AGBL2: variants seen among roughly 807,000 people sequenced by gnomAD.
The protein encoded by AGBL2 is AGBL carboxypeptidase 2, also known as cytosolic carboxypeptidase 2.
In AGBL2, 87 loss-of-function variants were observed where a neutral mutation model predicts 103.0. The observed-to-expected ratio is 0.84, with a 90% confidence interval of 0.71 to 1.01. The LOEUF is 1.01. Ranked by LOEUF, AGBL2 falls within the 50% of genes least tolerant of loss-of-function variation. The pLI is 0.00. For synonymous variants in AGBL2, 335 were observed against 356.7 expected, an observed-to-expected ratio of 0.94 and a Z score of 0.69; for missense variants, 904 against 1,023.5, an observed-to-expected ratio of 0.88 and a Z score of 1.59.
Position 47,692,169 on chromosome 11 carries a change from G to T in AGBL2, c.782C>A (p.Pro261Gln), listed in dbSNP as rs1298303459. 2 of 1,613,642 alleles carry T rather than the reference G, an allele frequency of 1.2e-6. No individual in the cohort carries two copies. The highest frequency in any genetic ancestry group is 1.7e-6 in the Non-Finnish European group (2 of 1,179,858). The change falls in exon 9 of 19, where the codon CCA (proline) becomes CAA (glutamine). Residue 261 changes from proline (P) to glutamine (Q), a missense_variant. Transcript: ENST00000525123. ...VKELAVTLQG[P>Q]EDNTLLFESR... Reference sequence around the variant, plus strand: ...TTCAAACAGTAGAGTATTATCTTCTGGTCCTTGCAACGTGACAGCAAGTTC... The same window carrying T: ...TTCAAACAGTAGAGTATTATCTTCTTGTCCTTGCAACGTGACAGCAAGTTC...
At chr11:47,710,800 G>A in intron 3 of AGBL2, 1 of 500,232 alleles carries the variant, frequency 2.0e-6, no homozygotes, top group Non-Finnish European at 3.9e-6. Flanking sequence ...AAGCTACAAG[G>A]GCTGTGTTGG....
intron 12 of AGBL2, among the ~76,000 whole-genome samples, chr11:47,680,786 G>GAAACGAAACA: frequency 1.4e-5 from 2 of 147,610 alleles, no homozygotes; most frequent in South Asian, 4.4e-4. Flanking sequence ...GGGAGACCCT[G>GAAACGAAACA]AAACAAAACA....
chr11:47,667,255 C>T (rs1454067596), intron 16 of AGBL2, among the ~76,000 whole-genome samples, 192 bp from the exon 17 acceptor site: 1 of 152,200 alleles, frequency 6.6e-6, no homozygotes. Context: ...GCCTGGCCCC[C>T]AGCCATCCAT....
In AGBL2 at chr11:47,666,967, T is replaced by C. The variant is rs778062924; in HGVS notation, c.2437A>G (p.Arg813Gly). 6.8e-6 allele frequency: 11 copies of C among 1,611,254 alleles called. No homozygotes were observed. The highest frequency in any genetic ancestry group is 6.7e-5 in the Admixed American group (4 of 59,856). Reference sequence around the variant, plus strand: ...AACAAAAATACTACCTCATTTAACCTTGGGTTTTCATTTTTCATTGGTAAA... The same window carrying C: ...AACAAAAATACTACCTCATTTAACCCTGGGTTTTCATTTTTCATTGGTAAA... ...SFLPMKNENP[R>G]LNETNLNRRD... The change falls in exon 17 of 19, where the codon AGG becomes GGG. Residue 813 changes from arginine to glycine, a missense_variant. Coordinates refer to ENST00000525123, the MANE Select transcript of AGBL2 (RefSeq NM_024783.4).
chr11:47,660,070 C>T lies in AGBL2; in HGVS notation c.*103G>A. 2 of 1,313,684 alleles carry T rather than the reference C, an allele frequency of 1.5e-6. No individual in the cohort carries two copies. Among genetic ancestry groups the T allele is most frequent in the East Asian group, 2.4e-5 (1 of 42,126 alleles). The allele number at this position is 1,313,684 out of a possible 1,614,324, so 81.4% of individuals were successfully genotyped here. A position where few individuals can be genotyped will look rare whatever the true frequency, so the allele number is the denominator to read the frequency against. On this transcript the variant is annotated 3_prime_UTR_variant, in exon 19 of 19. Transcript: ENST00000525123. ...GTGCATGAGTGCACAACACAGTATACCACAAGTAAATGCAGTTCCCAGTCA... is the reference window on the plus strand; with the variant it reads ...GTGCATGAGTGCACAACACAGTATATCACAAGTAAATGCAGTTCCCAGTCA...
intron 14 of AGBL2, among the ~76,000 whole-genome samples, chr11:47,669,932 A>T (rs980015598): frequency 6.6e-6 from 1 of 152,182 alleles, no homozygotes; most frequent in Admixed American, 6.5e-5. Context: ...ATTCTTGACA[A>T]GCACATTCAT....
chr11:47,672,181 C>T (rs1784568365), intron 14 of AGBL2, among the ~76,000 whole-genome samples: 1 of 152,098 alleles, frequency 6.6e-6, no homozygotes, highest in Admixed American at 6.6e-5. Context: ...CAACTCCTGG[C>T]CTCAAACAAT....
Position 47,685,908 on chromosome 11 carries a change from T to A in AGBL2, c.1773A>T (p.Lys591Asn), listed in dbSNP as rs775761083. 1.5e-5 allele frequency: 24 copies of A among 1,613,882 alleles called. No homozygotes were observed. The African/African-American group carries it at 1.9e-4, about 13-fold the overall frequency. ...ATGTGCTTACCTTATCTGGTGCATT[T>A]TTGCATAACATTAAAGGAAAGACTC... is the stretch of plus-strand genomic sequence containing the variant. The part of the protein sequence containing the change: ...HERVFPLMLC[K>N]NAPDKFSFHS... Residue 591 changes from lysine (K) to asparagine (N), a missense_variant, in exon 11 of 19, where the codon AAA (lysine) becomes AAT (asparagine). Lys to Asn is a moderately conservative substitution (Grantham distance 94, BLOSUM62 0). Transcript: ENST00000525123.
chr11:47,693,522 G>A (rs1452594349), intron 8 of AGBL2, among the ~76,000 whole-genome samples: 1 of 126,032 alleles, frequency 7.9e-6, no homozygotes, highest in Non-Finnish European at 1.7e-5. Flanking sequence ...TGTCAAAAAT[G>A]AATTGACCAA....
chr11:47,674,774 T>G (rs1195327791), intron 14 of AGBL2, among the ~76,000 whole-genome samples: 1 of 151,728 alleles, frequency 6.6e-6, no homozygotes, highest in African/African-American at 2.4e-5. Flanking sequence ...TCGCTCTTGT[T>G]GCCCAGGCTG....
At chr11:47,668,208 CAAA>C (rs34571219) in intron 15 of AGBL2, among the ~76,000 whole-genome samples, 6 of 95,136 alleles carry the variant, frequency 6.3e-5, no homozygotes, top group Admixed American at 1.2e-4. Context: ...GACTCCATCT[CAAA>C]AAAAAAAAAA....
chr11:47,711,987 C>T (rs889693973), intron 3 of AGBL2, among the ~76,000 whole-genome samples: 2 of 152,092 alleles, frequency 1.3e-5, no homozygotes, highest in South Asian at 2.1e-4. Context: ...GTAGGAGGAT[C>T]GCTTAAGCCT....
chr11:47,667,979 C>T (rs2097345956), intron 15 of AGBL2, among the ~76,000 whole-genome samples: 1 of 152,066 alleles, frequency 6.6e-6, no homozygotes, highest in South Asian at 2.1e-4. Flanking sequence ...GAGGCTGAAG[C>T]GGGTGGATCA....
intron 7 of AGBL2, among the ~76,000 whole-genome samples, chr11:47,702,671 C>T (rs772535445): frequency 5.3e-5 from 8 of 151,630 alleles, no homozygotes; most frequent in African/African-American, 1.7e-4. Context: ...GTCAGGAGTT[C>T]GAGACCAGCC....
Position 47,685,959 on chromosome 11 carries a change from GTTGTTATTACAGCCA to G in AGBL2, c.1707_1721del (p.Gly570_Asn574del), listed in dbSNP as rs763934976. The stretch of plus-strand genomic sequence containing the variant: ...GTTCATGAAGCCAGTATTTGCGATT[GTTGTTATTACAGCCA>G]TACAGGAAGATATTATTCTTACGAC... On this transcript the variant is annotated inframe_deletion, in exon 11 of 19. Coordinates refer to ENST00000525123, the MANE Select transcript of AGBL2 (RefSeq NM_024783.4). The G allele has an allele frequency of 6.2e-6, 10 of 1,613,946 alleles. No homozygotes were observed. The highest frequency in any genetic ancestry group is 8.5e-6 in the Non-Finnish European group (10 of 1,179,910).
At chr11:47,677,180 G>A in intron 14 of AGBL2, 91 bp downstream of exon 14, 1 of 1,111,130 alleles carries the variant, frequency 9.0e-7, no homozygotes, top group Non-Finnish European at 1.2e-6. Context: ...GCTAATTTTT[G>A]TATTTTTTGT....
chr11:47,713,479 C>G (rs2097541452), intron 3 of AGBL2, among the ~76,000 whole-genome samples: 1 of 146,458 alleles, frequency 6.8e-6, no homozygotes, highest in African/African-American at 2.5e-5. Flanking sequence ...GAGCCGAGAT[C>G]GTGCCACTGC....
intron 3 of AGBL2, among the ~76,000 whole-genome samples, chr11:47,713,017 G>C (rs1006965498): frequency 6.6e-6 from 1 of 151,640 alleles, no homozygotes; most frequent in African/African-American, 2.4e-5. Context: ...ACTCCAGCCT[G>C]GGCAACAAGA....
At chr11:47,714,505 G>T (rs2097544518) in intron 2 of AGBL2, 113 bp downstream of exon 2, 1 of 1,386,846 alleles carries the variant, frequency 7.2e-7, no homozygotes, top group Admixed American at 1.7e-5. Flanking sequence ...CTCCAGCTGA[G>T]AAAAGATGCC....
Sources: gnomAD v4.1 joint callset for allele counts (sites outside exome capture counted in the v4.1 genomes callset) on GRCh38, gnomAD v4.1.1 for gene constraint, MANE v1.5 for transcripts, NCBI Gene and HGNC (gene_info 2026-07-23, HGNC 2026-07-21) for gene names.